The following CTNNA3 variants were observed in gnomAD, a reference collection of about 807,000 sequenced individuals.
The protein encoded by CTNNA3 is catenin alpha 3.
Under a neutral mutation model 95.7 loss-of-function variants are expected in CTNNA3, and 76 were observed. The observed-to-expected ratio is 0.79, with a 90% CI of 0.66 to 0.96. The LOEUF (loss-of-function observed/expected upper bound fraction) is 0.96. Ranked by LOEUF, CTNNA3 falls within the 40% of genes least tolerant of loss-of-function variation. The pLI is 0.00. For synonymous variants in CTNNA3, 431 were observed against 374.4 expected (o/e 1.15, Z -1.74); for missense variants, 1,191 against 1,089.8 (o/e 1.09, Z -1.31).
intron 7 of CTNNA3, among the ~76,000 whole-genome samples, chr10:67,053,602 C>T (rs957452844): frequency 2.0e-5 from 3 of 152,136 alleles, no homozygotes; most frequent in Non-Finnish European, 4.4e-5. Context: ...ATCTGAAGCA[C>T]TTTTTGCTCT....
Position 67,534,595 on chromosome 10 carries a change from C to T in CTNNA3, c.459+4908G>A, listed in dbSNP as rs79526449. Among the ~76,000 whole-genome samples the T allele has an allele frequency of 1.0e-2, 1,521 of 152,220 alleles. 31 individuals are homozygous for T. The highest frequency in any genetic ancestry group is 0.034 in the African/African-American group (1,424 of 41,552). On this transcript the variant is annotated intron_variant, in intron 4 of 17. Coordinates refer to ENST00000433211, the MANE Select transcript of CTNNA3 (RefSeq NM_013266.4). ...TTGCAATATAGATATCCCTCCCTTC[C>T]GTCTTCCTGTAAGTTTCTGTAAGGT...
At chr10:67,272,798 ATCTC>A (rs1391211037) in intron 5 of CTNNA3, among the ~76,000 whole-genome samples, 11 of 151,916 alleles carry the variant, frequency 7.2e-5, no homozygotes, top group Admixed American at 5.9e-4. Context: ...TTTCTGATTG[ATCTC>A]TCTATTATTA....
At chr10:66,574,616 A>G (rs974651235) in intron 10 of CTNNA3, among the ~76,000 whole-genome samples, 1 of 152,092 alleles carries the variant, frequency 6.6e-6, no homozygotes, top group African/African-American at 2.4e-5. Context: ...GATCTAAACA[A>G]AGGTTGTTTT....
chr10:65,944,102 A>G (rs987213254), intron 17 of CTNNA3, among the ~76,000 whole-genome samples: 1 of 152,242 alleles, frequency 6.6e-6, no homozygotes, highest in Non-Finnish European at 1.5e-5. Context: ...GAAAGCCTTT[A>G]AAGTCTGAAA....
intron 5 of CTNNA3, among the ~76,000 whole-genome samples, chr10:67,431,301 GC>G (rs1846104779): frequency 6.6e-6 from 1 of 151,976 alleles, no homozygotes; most frequent in Non-Finnish European, 1.5e-5. Context: ...AATTCCCTTT[GC>G]AGTTTTCAGG....
At chr10:66,363,387 G>C (rs2092690380) in intron 12 of CTNNA3, among the ~76,000 whole-genome samples, 1 of 152,142 alleles carries the variant, frequency 6.6e-6, no homozygotes, top group Admixed American at 6.6e-5. Context: ...CTTATAAGGA[G>C]AGACATTAGA....
chr10:66,756,639 A>G lies in CTNNA3; in HGVS notation c.1281+9625T>C, dbSNP rs563195064. ...CCCTAACATTGCTTGCAAGCAGCAG[A>G]GGAGATAAGGGGAAACAGCTGATCT... On this transcript the variant is annotated intron_variant, in intron 9 of 17. Coordinates refer to ENST00000433211, the MANE Select transcript of CTNNA3 (RefSeq NM_013266.4). Among the ~76,000 whole-genome samples the G allele has an allele frequency of 8.5e-5, 13 of 152,120 alleles. No individual in the cohort carries two copies. In the South Asian group the frequency reaches 2.3e-3, roughly 27 times the overall value.
At chr10:66,731,111 C>T (rs1848946840) in intron 9 of CTNNA3, among the ~76,000 whole-genome samples, 1 of 152,088 alleles carries the variant, frequency 6.6e-6, no homozygotes, top group African/African-American at 2.4e-5. Flanking sequence ...CAAGGAAGGC[C>T]ATATATAAAA....
chr10:66,236,932 T>C (rs79710597), intron 13 of CTNNA3, among the ~76,000 whole-genome samples: 5,122 of 151,066 alleles, frequency 0.034, 285 homozygotes, highest in African/African-American at 0.12. Flanking sequence ...CTAGGCAATG[T>C]AGTGAGGCCA....
chr10:67,128,335 C>A (rs564788313), intron 7 of CTNNA3, among the ~76,000 whole-genome samples: 1 of 152,162 alleles, frequency 6.6e-6, no homozygotes, highest in South Asian at 2.1e-4. Flanking sequence ...TTTCTAAAAT[C>A]AGTCCTTCAT....
chr10:66,975,360 C>T (rs943722597), intron 7 of CTNNA3, among the ~76,000 whole-genome samples: 2 of 152,136 alleles, frequency 1.3e-5, no homozygotes, highest in African/African-American at 4.8e-5. Flanking sequence ...GATGCCTAAG[C>T]ATTGTAGGTA....
intron 11 of CTNNA3, among the ~76,000 whole-genome samples, chr10:66,492,699 A>G (rs994299171): frequency 3.3e-5 from 5 of 152,122 alleles, no homozygotes; most frequent in African/African-American, 1.2e-4. Flanking sequence ...TTCTACATCA[A>G]CATCTTCCAG....
chr10:66,340,430 T>C (rs1396804177), intron 12 of CTNNA3, among the ~76,000 whole-genome samples: 2 of 151,802 alleles, frequency 1.3e-5, no homozygotes, highest in Non-Finnish European at 3.0e-5. Context: ...TTAGAGATGG[T>C]AGAGCTGTTT....
intron 9 of CTNNA3, among the ~76,000 whole-genome samples, chr10:66,669,309 C>T (rs571544944): frequency 1.5e-4 from 23 of 151,916 alleles, no homozygotes; most frequent in Non-Finnish European, 2.8e-4. Context: ...TTTGGGAGGC[C>T]GAGGCTGATG....
intron 7 of CTNNA3, among the ~76,000 whole-genome samples, chr10:67,150,313 C>T (rs1861032653): frequency 6.6e-6 from 1 of 152,018 alleles, no homozygotes; most frequent in Non-Finnish European, 1.5e-5. Context: ...AAATGAATTA[C>T]CTTGAATATA....
At chr10:66,211,753 T>C (rs969773879) in intron 13 of CTNNA3, among the ~76,000 whole-genome samples, 1 of 152,166 alleles carries the variant, frequency 6.6e-6, no homozygotes, top group Non-Finnish European at 1.5e-5. Context: ...TGGAGTTTAC[T>C]GTGGGAGTCC....
chr10:67,586,461 T>A, intron 3 of CTNNA3, among the ~76,000 whole-genome samples: 1 of 152,190 alleles, frequency 6.6e-6, no homozygotes, highest in East Asian at 1.9e-4. Flanking sequence ...TTAGATCTAG[T>A]CATATTTGTT....
intron 10 of CTNNA3, among the ~76,000 whole-genome samples, chr10:66,542,381 AT>A (rs1841885510): frequency 6.6e-6 from 1 of 152,106 alleles, no homozygotes; most frequent in Non-Finnish European, 1.5e-5. Context: ...CAGCCATCCC[AT>A]TACTGGGTAT....
intron 1 of CTNNA3, among the ~76,000 whole-genome samples, chr10:67,708,517 T>A (rs1337178551): frequency 6.6e-6 from 1 of 152,178 alleles, no homozygotes; most frequent in African/African-American, 2.4e-5. Flanking sequence ...ACCTTCTTAT[T>A]TCAAATTATT....
Sources: allele counts gnomAD v4.1 joint callset (sites outside exome capture counted in the v4.1 genomes callset), GRCh38; gene constraint gnomAD v4.1.1; transcripts MANE v1.5; gene names NCBI Gene and HGNC (gene_info 2026-07-23, HGNC 2026-07-21).